NFIB: variants seen among roughly 807,000 people sequenced by gnomAD.
The protein encoded by NFIB is nuclear factor 1 B-type.
NFIB carries 11 observed loss-of-function variants against 61.5 expected under a neutral mutation model. That is an observed-to-expected ratio of 0.18 (90% CI 0.11 to 0.30). NFIB has a LOEUF of 0.30. Ranked by LOEUF, NFIB falls within the 10% of genes least tolerant of loss-of-function variation. The pLI is 1.00. For missense variants in NFIB, 471 were observed against 608.9 expected (o/e 0.77, Z 2.38); for synonymous variants, 260 against 216.5 (o/e 1.20, Z -1.76).
chr9:14,164,049 A>G (rs540961074), intron 3 of NFIB, among the ~76,000 whole-genome samples: 1 of 152,050 alleles, frequency 6.6e-6, no homozygotes, highest in South Asian at 2.1e-4. Context: ...AAAGAACAGC[A>G]TCACAACCAC....
the NFIB span, among the ~76,000 whole-genome samples, chr9:14,493,047 T>G: frequency 2.6e-5 from 4 of 152,192 alleles, no homozygotes; most frequent in African/African-American, 9.7e-5. Context: ...ATGGTAGCAG[T>G]GATTACTATT....
chr9:14,313,786 C>A lies in NFIB; in HGVS notation c.-275G>T. The A allele has an allele frequency of 1.5e-6, 2 of 1,297,784 alleles. No homozygotes were observed. Among genetic ancestry groups the A allele is most frequent in the Non-Finnish European group, 2.0e-6 (2 of 1,020,600 alleles). The allele number at this position is 1,297,784 out of a possible 1,614,324, so 80.4% of individuals were successfully genotyped here. A position where few individuals can be genotyped will look rare whatever the true frequency, so the allele number is the denominator to read the frequency against. ...AGCGCGCTGGCCGTGCTTGCCGAGG[C>A]CGCCGCCGCCGCCGGTGTTGGCTGC... On this transcript the variant is annotated 5_prime_UTR_variant, in exon 1 of 11. Transcript: ENST00000380953. This position sits in a 1 kb window ranked among gnomAD's most constrained non-coding sequence, Gnocchi z 4.5.
At chr9:14,345,738 T>G (rs550784413) in intron 1 of NFIB, among the ~76,000 whole-genome samples, 156 of 152,234 alleles carry the variant, frequency 1.0e-3, no homozygotes, top group Middle Eastern at 3.4e-3. Flanking sequence ...CGCTCAGACT[T>G]GAAGGTGGTT....
intron 6 of NFIB, among the ~76,000 whole-genome samples, chr9:14,145,874 T>C (rs1337996342): frequency 6.6e-6 from 1 of 152,008 alleles, no homozygotes; most frequent in Admixed American, 6.6e-5. Context: ...GGCTAGATTT[T>C]TTTTAATGCA....
At chr9:14,237,815 TAAGCTCCTCACCCTGCTAGGTATAACA>T (rs1563932623) in intron 2 of NFIB, among the ~76,000 whole-genome samples, 971 of 60,474 alleles carry the variant, frequency 0.016, 44 homozygotes, top group East Asian at 0.031. Context: ...TGTGTGTGTG[TAAGCTCCTCACCCTGCTAGGTATAACA>T]GTGTGTGTGT....
intron 2 of NFIB, among the ~76,000 whole-genome samples, chr9:14,242,936 T>C (rs1336176877): frequency 6.6e-6 from 1 of 152,218 alleles, no homozygotes; most frequent in Non-Finnish European, 1.5e-5. Context: ...TCTGAACATA[T>C]GCCTATGCAT....
intron 2 of NFIB, among the ~76,000 whole-genome samples, chr9:14,297,302 CAA>C (rs2059499126): frequency 6.6e-6 from 1 of 152,076 alleles, no homozygotes; most frequent in Non-Finnish European, 1.5e-5. Context: ...GGCAGAAAGG[CAA>C]AAGAGATATT....
At chr9:14,266,371 G>A (rs971509996) in intron 2 of NFIB, among the ~76,000 whole-genome samples, 2 of 151,998 alleles carry the variant, frequency 1.3e-5, no homozygotes, top group Admixed American at 6.6e-5. Flanking sequence ...CAAGAGGGTC[G>A]CTTGAGTCCA....
intron 10 of NFIB, among the ~76,000 whole-genome samples, chr9:14,107,331 C>CA (rs998325865): frequency 1.7e-4 from 25 of 145,432 alleles, no homozygotes; most frequent in South Asian, 6.5e-4. Context: ...AACAAACAAA[C>CA]AAAAAAAAAA....
At chr9:14,179,209 G>GAA (rs922577243) in intron 3 of NFIB, among the ~76,000 whole-genome samples, 1 of 148,080 alleles carries the variant, frequency 6.8e-6, no homozygotes, top group Non-Finnish European at 1.5e-5. Flanking sequence ...TTATGCTAAA[G>GAA]AAAAAAAAAA....
chr9:14,500,458 A>G, the NFIB span, among the ~76,000 whole-genome samples: 18 of 152,288 alleles, frequency 1.2e-4, no homozygotes, highest in African/African-American at 4.3e-4. Context: ...CAGAGTAATG[A>G]GACTTCTAGT....
Position 14,116,220 on chromosome 9 carries a change from T to C in NFIB, c.1372A>G (p.Thr458Ala), listed in dbSNP as rs1563800356. The C allele has an allele frequency of 1.3e-6, 2 of 1,515,558 alleles. No homozygotes were observed. The highest frequency in any genetic ancestry group is 1.4e-5 in the African/African-American group (1 of 71,996). 93.9% of individuals were successfully genotyped at this position (1,515,558 alleles called of 1,614,324 possible). ...GAAGCTGCCTCACCTTCAGTGGATG[T>C]AGTGATGGGTTTAGTATCTGTCATG... ...LSMTDTKPIT[T>A]STEAYTASGT... Residue 458 changes from threonine (T) to alanine (A), a missense_variant, in exon 9 of 11, where the codon ACA becomes GCA. Transcript: ENST00000380953.
chr9:14,379,586 C>T (rs1295655783), intron 1 of NFIB, among the ~76,000 whole-genome samples: 2 of 152,196 alleles, frequency 1.3e-5, no homozygotes, highest in Admixed American at 6.5e-5. Context: ...TATATCGTCA[C>T]TTTGGCTCTG....
Position 14,088,072 on chromosome 9 carries a change from C to T in NFIB, c.*237G>A. 1.2e-6 allele frequency: 1 copy of T among 853,526 alleles called. No homozygotes were observed. The highest frequency in any genetic ancestry group is 1.6e-6 in the Non-Finnish European group (1 of 623,140). 52.9% of individuals were successfully genotyped at this position (853,526 alleles called of 1,614,324 possible). On this transcript the variant is annotated 3_prime_UTR_variant, in exon 11 of 11. Transcript: ENST00000380953. Reference sequence around the variant, plus strand: ...GATTGTAAGTGCTGCAATTGCTGGTCTATTATCTTCTTTCTTCAGTTTCTT... The same window carrying T: ...GATTGTAAGTGCTGCAATTGCTGGTTTATTATCTTCTTTCTTCAGTTTCTT...
intron 6 of NFIB, among the ~76,000 whole-genome samples, chr9:14,125,995 T>C (rs530916811): frequency 3.9e-5 from 6 of 152,346 alleles, no homozygotes; most frequent in African/African-American, 1.4e-4. Context: ...ATCAGAATTA[T>C]TCCCATTACT....
intron 2 of NFIB, chr9:14,204,726 T>C: frequency 5.1e-6 from 3 of 588,476 alleles, no homozygotes; most frequent in Non-Finnish European, 6.1e-6. Context: ...GCATACAACA[T>C]GGATCCCATC....
chr9:14,428,651 C>T, the NFIB span, among the ~76,000 whole-genome samples: 1 of 152,184 alleles, frequency 6.6e-6, no homozygotes, highest in Admixed American at 6.5e-5. Flanking sequence ...ATTAATCACA[C>T]TTTCTTTTGA....
intron 3 of NFIB, among the ~76,000 whole-genome samples, chr9:14,161,402 A>T (rs2131274946): frequency 6.6e-6 from 1 of 152,224 alleles, no homozygotes; most frequent in East Asian, 1.9e-4. Context: ...AGGATGATTT[A>T]GGTGATCTTG....
intron 2 of NFIB, among the ~76,000 whole-genome samples, chr9:14,262,673 G>T (rs1468281389): frequency 6.6e-6 from 1 of 152,184 alleles, no homozygotes; most frequent in African/African-American, 2.4e-5. Context: ...CGTAAATTCT[G>T]TTACTGTTGA....
Sources: allele counts gnomAD v4.1 joint callset (sites outside exome capture counted in the v4.1 genomes callset), GRCh38; gene constraint gnomAD v4.1.1; non-coding constraint Gnocchi (gnomAD v3.1); transcripts MANE v1.5; gene names NCBI Gene and HGNC (gene_info 2026-07-23, HGNC 2026-07-21).